Variants in LMF1 observed in about 807,000 individuals in gnomAD.
LMF1 encodes the protein lipase maturation factor 1.
In LMF1, 68 loss-of-function variants were observed where a neutral mutation model predicts 60.6. The observed-to-expected ratio is 1.12, with a 90% confidence interval of 0.92 to 1.37. The LOEUF (loss-of-function observed/expected upper bound fraction) is 1.37, where lower values mean the gene tolerates loss of function less well. Ranked by LOEUF, LMF1 falls within the 40% of genes most tolerant of loss-of-function variation. The pLI, the probability that LMF1 is intolerant of heterozygous loss-of-function variation, is 0.00. For missense variants in LMF1, 948 were observed against 767.2 expected (o/e 1.24, Z -2.78); for synonymous variants, 418 against 324.7 (o/e 1.29, Z -3.09).
At chr16:860,860 A>G (rs2069442080) in intron 10 of LMF1, among the ~76,000 whole-genome samples, 1 of 152,040 alleles carries the variant, frequency 6.6e-6, no homozygotes, top group East Asian at 1.9e-4. Flanking sequence ...TCAATACTAC[A>G]CTGTGTTGAC....
chr16:936,984 C>A (rs1032277928), intron 2 of LMF1, among the ~76,000 whole-genome samples: 15 of 152,130 alleles, frequency 9.9e-5, no homozygotes, highest in African/African-American at 3.6e-4. Context: ...AAGACGCAGC[C>A]TCACGCTTTT....
intron 3 of LMF1, among the ~76,000 whole-genome samples, chr16:928,799 G>C (rs2071686639): frequency 6.6e-6 from 1 of 151,772 alleles, no homozygotes; most frequent in Non-Finnish European, 1.5e-5. Context: ...AGTGGTGCAA[G>C]ATGGGGGTAG....
At chr16:907,296 G>T (rs2070994905) in intron 4 of LMF1, among the ~76,000 whole-genome samples, 1 of 152,114 alleles carries the variant, frequency 6.6e-6, no homozygotes, top group Non-Finnish European at 1.5e-5. Flanking sequence ...AGCTACTCGG[G>T]AGGCTGAGGC....
chr16:975,693 C>T (rs2073122445), upstream of LMF1: 1 of 420,960 alleles, frequency 2.4e-6, no homozygotes. Flanking sequence ...CTCGTACCCG[C>T]CTGAGGGCAT....
At chr16:920,396 G>A (rs2071401246) in intron 3 of LMF1, among the ~76,000 whole-genome samples, 3 of 152,246 alleles carry the variant, frequency 2.0e-5, no homozygotes, top group Admixed American at 2.0e-4. Flanking sequence ...GGAGAGCTGA[G>A]CAGAGACACA....
At chr16:915,665 G>A (rs1216328902) in intron 3 of LMF1, among the ~76,000 whole-genome samples, 1 of 152,236 alleles carries the variant, frequency 6.6e-6, no homozygotes, top group Non-Finnish European at 1.5e-5. Context: ...CCAGCCTAGG[G>A]ACAGGGTGCA....
intron 2 of LMF1, among the ~76,000 whole-genome samples, chr16:941,380 C>T (rs900823581): frequency 5.9e-5 from 9 of 152,012 alleles, no homozygotes; most frequent in Non-Finnish European, 8.8e-5. Context: ...CAACTATGCC[C>T]GGGTAATTTT....
At chr16:866,044 GT>G (rs1304129856) in intron 10 of LMF1, among the ~76,000 whole-genome samples, 1 of 152,124 alleles carries the variant, frequency 6.6e-6, no homozygotes, top group East Asian at 1.9e-4. Context: ...TACTGCATGC[GT>G]TTTCGACGGC....
At chr16:875,086 T>C (rs1242472106) in intron 6 of LMF1, among the ~76,000 whole-genome samples, 2 of 152,094 alleles carry the variant, frequency 1.3e-5, no homozygotes, top group Non-Finnish European at 2.9e-5. Flanking sequence ...CACCTCGTCC[T>C]GGACACAGTG....
At chr16:893,346 G>C in intron 4 of LMF1, 2 of 574,070 alleles carry the variant, frequency 3.5e-6, no homozygotes, top group South Asian at 3.1e-5. Flanking sequence ...CTCATTCTCA[G>C]AGCTCCACGC....
chr16:871,435 G>C (rs1596865879), intron 6 of LMF1, 94 bp from the exon 7 acceptor site: 2,237 of 1,028,932 alleles, frequency 2.2e-3, no homozygotes, highest in Non-Finnish European at 2.9e-3. Context: ...AGGGGGGAGG[G>C]AACCTGCACC....
intron 4 of LMF1, 164 bp from the exon 5 acceptor site, chr16:893,236 A>C (rs2070543891): frequency 7.1e-6 from 5 of 699,490 alleles, no homozygotes; most frequent in Non-Finnish European, 1.3e-5. Flanking sequence ...TCAGGAAGGC[A>C]GAATTTGAGA....
chr16:967,058 C>T (rs553979294), intron 1 of LMF1, among the ~76,000 whole-genome samples: 1 of 152,362 alleles, frequency 6.6e-6, no homozygotes, highest in Admixed American at 6.5e-5. Context: ...ACCTGCAAGG[C>T]TGTCCTTCCC....
At chr16:879,301 G>T (rs1255462033) in intron 6 of LMF1, among the ~76,000 whole-genome samples, 1 of 152,210 alleles carries the variant, frequency 6.6e-6, no homozygotes, top group Non-Finnish European at 1.5e-5. Flanking sequence ...CCGAGCCCAG[G>T]ACATGGCCGG....
chr16:860,784 ATGTT>A (rs1034037508), intron 10 of LMF1, among the ~76,000 whole-genome samples: 1 of 152,034 alleles, frequency 6.6e-6, no homozygotes, highest in Non-Finnish European at 1.5e-5. Context: ...TCATCCGGGC[ATGTT>A]TGTTTGGGTC....
At chr16:923,717 G>T (rs1370823400) in intron 3 of LMF1, among the ~76,000 whole-genome samples, 1 of 152,150 alleles carries the variant, frequency 6.6e-6, no homozygotes, top group Non-Finnish European at 1.5e-5. Context: ...ATGGGCAGAG[G>T]GACAAACTCA....
chr16:932,456 C>T (rs8062906), intron 3 of LMF1, among the ~76,000 whole-genome samples: 43,831 of 152,158 alleles, frequency 0.29, 8,011 homozygotes, highest in African/African-American at 0.5. Flanking sequence ...CTCGATTTTG[C>T]GATCACTGCT....
At chr16:952,311 C>CA (rs1474859737) in intron 2 of LMF1, among the ~76,000 whole-genome samples, 2 of 150,936 alleles carry the variant, frequency 1.3e-5, no homozygotes, top group African/African-American at 4.9e-5. Context: ...AGTGGGGACC[C>CA]CCCCCCACAG....
chr16:892,066 G>A (rs1463266284), intron 5 of LMF1, among the ~76,000 whole-genome samples: 1 of 152,208 alleles, frequency 6.6e-6, no homozygotes, highest in East Asian at 1.9e-4. Flanking sequence ...AGGCACAAAC[G>A]CCTGTGCCAG....
Sources: gnomAD v4.1 joint callset for allele counts (sites outside exome capture counted in the v4.1 genomes callset) on GRCh38, gnomAD v4.1.1 for gene constraint, MANE v1.5 for transcripts, NCBI Gene and HGNC (gene_info 2026-07-23, HGNC 2026-07-21) for gene names.